LOXL1: variants seen among roughly 807,000 people sequenced by gnomAD.
LOXL1 encodes the protein lysyl oxidase like 1.
A neutral mutation model predicts 62.2 loss-of-function variants in LOXL1; 31 were observed. That is an observed-to-expected ratio of 0.50 (90% CI 0.37 to 0.67). The LOEUF is 0.67. LOXL1 is among the 30% of genes least tolerant of loss of function. LOXL1 has a pLI of 0.00. For missense variants in LOXL1, 775 were observed against 843.4 expected, an observed-to-expected ratio of 0.92 and a Z score of 1.00; for synonymous variants, 403 against 384.4, an observed-to-expected ratio of 1.05 and a Z score of -0.56.
intron 1 of LOXL1, among the ~76,000 whole-genome samples, chr15:73,938,275 G>GTATCTATCTATCTATCTATCTATCTATC (rs138576407): frequency 3.6e-5 from 5 of 140,610 alleles, no homozygotes; most frequent in African/African-American, 5.4e-5. Flanking sequence ...GCTAGACTCC[G>GTATCTATCTATCTATCTATCTATCTATC]TATCTATCTA....
intron 1 of LOXL1, among the ~76,000 whole-genome samples, chr15:73,939,194 C>T (rs939475662): frequency 6.6e-6 from 1 of 152,246 alleles, no homozygotes; most frequent in African/African-American, 2.4e-5. Context: ...GCCAAGAGCC[C>T]AAGCCTGCAG....
At chr15:73,948,717 G>A (rs2068764195) in intron 5 of LOXL1, among the ~76,000 whole-genome samples, 1 of 152,186 alleles carries the variant, frequency 6.6e-6, no homozygotes, top group South Asian at 2.1e-4. Flanking sequence ...CTCCTCCAGG[G>A]CCTGGGGTTG....
At chr15:73,935,038 G>A (rs2068661290) in intron 1 of LOXL1, among the ~76,000 whole-genome samples, 1 of 152,176 alleles carries the variant, frequency 6.6e-6, no homozygotes, top group Non-Finnish European at 1.5e-5. Context: ...AGGTATAACA[G>A]GGGACAGGTC....
chr15:73,940,283 C>T (rs966468100), intron 1 of LOXL1, among the ~76,000 whole-genome samples: 1 of 152,150 alleles, frequency 6.6e-6, no homozygotes, highest in Non-Finnish European at 1.5e-5. Context: ...TCATCTGTAG[C>T]GAGGGTCAAG....
At position 73,926,877 on chromosome 15, in the gene LOXL1, C is replaced by A. The variant is rs1214574400; in HGVS notation, c.94C>A (p.Gln32Lys). ...GCACGGGCAGCAGGCGCAGCCCGGGCAGGGCTCGGACCCCGCCCGCTGGCG... is the reference window on the plus strand; with the variant it reads ...GCACGGGCAGCAGGCGCAGCCCGGGAAGGGCTCGGACCCCGCCCGCTGGCG... Reference protein sequence around the residue: ...LVHGQQAQPGQGSDPARWRQL... With the variant: ...LVHGQQAQPGKGSDPARWRQL... Residue 32 changes from glutamine to lysine, a missense_variant, in exon 1 of 7, where the codon CAG (glutamine) becomes AAG (lysine). By Grantham distance (53) the Gln-to-Lys change is moderately conservative. Coordinates refer to ENST00000261921, the MANE Select transcript of LOXL1 (RefSeq NM_005576.4). 1 of 1,557,078 alleles carries A rather than the reference C, an allele frequency of 6.4e-7. No homozygotes were observed. Among genetic ancestry groups the A allele is most frequent in the Admixed American group, 1.9e-5 (1 of 51,292 alleles).
Position 73,949,582 on chromosome 15 carries a change from T to G in LOXL1, c.1718+8T>G, listed in dbSNP as rs1286068062. 5.0e-6 allele frequency: 8 copies of G among 1,591,812 alleles called. No homozygotes were observed. Among genetic ancestry groups the G allele is most frequent in the Non-Finnish European group, 6.9e-6 (8 of 1,160,166 alleles). ...AAACTGCAAAATTGTCCAGTAAGAG[T>G]TTGCCCACCACCCTTCCTGGCTCCG... is the stretch of plus-strand genomic sequence containing the variant. On this transcript the variant is annotated splice_region_variant and intron_variant, in intron 6 of 6. Transcript: ENST00000261921.
At chr15:73,951,578 G>A (rs759967022) in intron 6 of LOXL1, among the ~76,000 whole-genome samples, 4 of 152,178 alleles carry the variant, frequency 2.6e-5, no homozygotes, top group Non-Finnish European at 4.4e-5. Context: ...TCTGCTAATG[G>A]CCTAGAAAAC....
chr15:73,946,507 C>G lies in LOXL1; in HGVS notation c.1302C>G (p.Phe434Leu). The stretch of plus-strand genomic sequence containing the variant: ...TGAAGAACCAGGGCACAGCAGACTT[C>G]CTCCCCAACCGGCCACGGCACACCT... Reference protein sequence around the residue: ...QRVKNQGTADFLPNRPRHTWE... With the variant: ...QRVKNQGTADLLPNRPRHTWE... Residue 434 changes from phenylalanine (F) to leucine (L), a missense_variant, in exon 3 of 7, where the codon TTC becomes TTG. Phe to Leu is a conservative substitution (Grantham distance 22, BLOSUM62 0). Coordinates refer to ENST00000261921, the MANE Select transcript of LOXL1 (RefSeq NM_005576.4). The G allele has an allele frequency of 6.2e-7, 1 of 1,611,132 alleles. No individual in the cohort carries two copies. Among genetic ancestry groups the G allele is most frequent in the South Asian group, 1.1e-5 (1 of 90,418 alleles).
At chr15:73,928,270 C>T (rs963123616) in intron 1 of LOXL1, 4 of 190,720 alleles carry the variant, frequency 2.1e-5, no homozygotes, top group Middle Eastern at 1.9e-3. Flanking sequence ...CTCCTTCCCC[C>T]CTTAGAGATG....
chr15:73,933,578 C>T (rs1400241531), intron 1 of LOXL1, among the ~76,000 whole-genome samples: 1 of 152,228 alleles, frequency 6.6e-6, no homozygotes, highest in Non-Finnish European at 1.5e-5. Flanking sequence ...TCTCTCCTTC[C>T]TCCTAACCTC....
intron 6 of LOXL1, among the ~76,000 whole-genome samples, chr15:73,951,504 A>C (rs1203272428): frequency 2.0e-5 from 3 of 151,790 alleles, no homozygotes; most frequent in African/African-American, 7.3e-5. Context: ...AGGAAAAAGG[A>C]GGCTTAAAAA....
Position 73,951,908 on chromosome 15 carries a change from C to T in LOXL1, c.*71C>T, listed in dbSNP as rs999797825. On this transcript the variant is annotated 3_prime_UTR_variant, in exon 7 of 7. Coordinates refer to ENST00000261921, the MANE Select transcript of LOXL1 (RefSeq NM_005576.4). ...CCCTGCTCCCCGGGCAGCCTCCCGC[C>T]GAGGGGCCCAGCCCCCAACCCACAG... 1.9e-5 allele frequency: 26 copies of T among 1,381,452 alleles called. No individual in the cohort carries two copies. The highest frequency in any genetic ancestry group is 1.3e-4 in the Admixed American group (5 of 37,336). 85.6% of individuals were successfully genotyped at this position (1,381,452 alleles called of 1,614,324 possible). A position where few individuals can be genotyped will look rare whatever the true frequency, so the allele number is the denominator to read the frequency against.
chr15:73,947,271 G>C (rs765970208), intron 4 of LOXL1, 48 bp downstream of exon 4: 2 of 1,555,536 alleles, frequency 1.3e-6, no homozygotes, highest in South Asian at 1.2e-5. Context: ...TAAGGAGTTG[G>C]GGAGGCAAAG....
intron 1 of LOXL1, among the ~76,000 whole-genome samples, chr15:73,937,080 C>G (rs569852901): frequency 6.6e-6 from 1 of 152,336 alleles, no homozygotes; most frequent in East Asian, 1.9e-4. Flanking sequence ...AGCTTCCCCC[C>G]TGAGAAGGCC....
At chr15:73,949,248 C>T (rs2068767916) in intron 5 of LOXL1, among the ~76,000 whole-genome samples, 1 of 152,190 alleles carries the variant, frequency 6.6e-6, no homozygotes, top group Non-Finnish European at 1.5e-5. Context: ...AACATCCAAT[C>T]TTCTGATAAG....
chr15:73,948,023 C>T, intron 5 of LOXL1, 121 bp downstream of exon 5: 1 of 671,554 alleles, frequency 1.5e-6, no homozygotes, highest in Non-Finnish European at 2.5e-6. Flanking sequence ...CGAGCAGAGG[C>T]AGCATCTGAG....
intron 1 of LOXL1, chr15:73,941,899 G>T: frequency 4.7e-6 from 1 of 211,634 alleles, no homozygotes; most frequent in Non-Finnish European, 1.1e-5. Context: ...ACTCCTGCAT[G>T]CCCAGGGAGG....
In LOXL1 at chr15:73,947,100, C is replaced by T. The variant is rs748019800; in HGVS notation, c.1383C>T (p.Tyr461=). ...ACAGCATGGACGAGTTCAGCCACTA[C>T]GACCTACTGGATGCAGCCACAGGCA... ...HYHSMDEFSH[Y]DLLDAATGKK... is the part of the protein sequence containing the mutation. The change falls in exon 4 of 7, where the codon TAC becomes TAT. Residue 461 remains tyrosine (Y), a synonymous_variant. Transcript: ENST00000261921. 2.7e-5 allele frequency: 44 copies of T among 1,612,478 alleles called. No individual in the cohort carries two copies. The highest frequency in any genetic ancestry group is 9.9e-5 in the South Asian group (9 of 90,950).
Position 73,938,315 on chromosome 15 carries a change from C to A in LOXL1, c.1103-4539C>A, listed in dbSNP as rs946194123. Among the ~76,000 whole-genome samples the A allele has an allele frequency of 2.1e-5, 3 of 140,208 alleles. No homozygotes were observed. In the East Asian group the frequency reaches 6.2e-4, roughly 29 times the overall value. The allele number at this position is 140,208 out of a possible 152,430, so 92.0% of individuals were successfully genotyped here. A position where few individuals can be genotyped will look rare whatever the true frequency, so the allele number is the denominator to read the frequency against. On this transcript the variant is annotated intron_variant, in intron 1 of 6. Coordinates refer to ENST00000261921, the MANE Select transcript of LOXL1 (RefSeq NM_005576.4). ...TCTATCTATCTATCTATCTATCTATCTAGGTAGATAGATAGAACAGGAGGC... is the reference window on the plus strand; with the variant it reads ...TCTATCTATCTATCTATCTATCTATATAGGTAGATAGATAGAACAGGAGGC...
Sources: gnomAD v4.1 joint callset for allele counts (sites outside exome capture counted in the v4.1 genomes callset) on GRCh38, gnomAD v4.1.1 for gene constraint, MANE v1.5 for transcripts, NCBI Gene and HGNC (gene_info 2026-07-23, HGNC 2026-07-21) for gene names.